The following GON7 variants were observed in gnomAD, a reference collection of about 807,000 sequenced individuals.
GON7 encodes EKC/KEOPS complex subunit GON7.
In GON7, 2 loss-of-function variants were observed where a neutral mutation model predicts 7.6. The ratio of observed to expected loss-of-function variants is 0.26; its 90% CI spans 0.11 to 0.83. The LOEUF is 0.83. GON7 is among the 40% of genes least tolerant of loss of function. The probability of loss-of-function intolerance (pLI) is 0.65; values close to 1 mark genes in which losing one functional copy is unlikely to be tolerated. For synonymous variants in GON7, 54 were observed against 56.6 expected (o/e 0.95, Z 0.20); for missense variants, 121 against 132.2 (o/e 0.92, Z 0.42).
At position 93,203,080 on chromosome 14, in the gene GON7, A is replaced by G. The variant is rs898236505; in HGVS notation, c.*608T>C. The G allele has an allele frequency of 1.1e-4, 16 of 152,310 alleles. No individual in the cohort carries two copies. The highest frequency in any genetic ancestry group is 3.9e-4 in the African/African-American group (16 of 41,456). 9.4% of individuals were successfully genotyped at this position (152,310 alleles called of 1,614,324 possible). A position where few individuals can be genotyped will look rare whatever the true frequency, so the allele number is the denominator to read the frequency against. On this transcript the variant is annotated 3_prime_UTR_variant, in exon 2 of 2. Transcript: ENST00000306954. Reference sequence around the variant, plus strand: ...AAACATACCCCATCTGGCTCTCTTAAGGTACATGATAAATCAGACTAATGC... The same window carrying G: ...AAACATACCCCATCTGGCTCTCTTAGGGTACATGATAAATCAGACTAATGC...
intron 1 of GON7, 37 bp from the exon 2 acceptor site, chr14:93,203,819 C>T (rs1026317895): frequency 3.3e-6 from 5 of 1,528,010 alleles, no homozygotes; most frequent in Non-Finnish European, 4.5e-6. Flanking sequence ...ACAATACGTT[C>T]TATGGCTGAA....
At position 93,203,725 on chromosome 14, in the gene GON7, T is replaced by C. The variant is rs1338674339; in HGVS notation, c.266A>G (p.Asp89Gly). The C allele has an allele frequency of 4.3e-6, 7 of 1,614,016 alleles. No individual in the cohort carries two copies. Among genetic ancestry groups the C allele is most frequent in the East Asian group, 2.2e-5 (1 of 44,866 alleles). Residue 89 changes from aspartate (D) to glycine (G), a missense_variant, in exon 2 of 2, where the codon GAT (aspartate) becomes GGT (glycine). Coordinates refer to ENST00000306954, the MANE Select transcript of GON7 (RefSeq NM_032490.5). ...TTTTGGCCGTTTTGCAGATGGTCCA[T>C]CGAAGTTAGTTCTGTTATCAATGTT... ...ENNIDNRTNF[D>G]GPSAKRPKTP...
rs1358166619 is a variant in GON7 at position 93,206,988 on chromosome 14, A to C, written c.50T>G (p.Leu17Arg). 1 of 1,614,108 alleles carries C rather than the reference A, an allele frequency of 6.2e-7. No homozygotes were observed. Among genetic ancestry groups the C allele is most frequent in the South Asian group, 1.1e-5 (1 of 91,088 alleles). The change falls in exon 1 of 2, where the codon CTG becomes CGG. Residue 17 changes from leucine to arginine, a missense_variant. Leu to Arg is a moderately radical substitution (Grantham distance 102). Transcript: ENST00000306954. ...ACCCGGCGCCTCACAGGACACCCGC[A>C]GCTTCTGCGGCTTCCCTTCCTGCCC... The part of the protein sequence containing the change: ...YVGQEGKPQK[L>R]RVSCEAPGDG...
In GON7 at chr14:93,202,962, A is replaced by C. The variant is rs1238322893; in HGVS notation, c.*726T>G. On this transcript the variant is annotated 3_prime_UTR_variant, in exon 2 of 2. Transcript: ENST00000306954. ...TAAAGCAAAATCAAAGTATGGCTAC[A>C]GGAGGAGAGGAAATATCCAAATTGT... The C allele has an allele frequency of 6.6e-6, 1 of 152,230 alleles. No individual in the cohort carries two copies. The highest frequency in any genetic ancestry group is 2.1e-4 in the South Asian group (1 of 4,836). The allele number at this position is 152,230 out of a possible 1,614,324, so 9.4% of individuals were successfully genotyped here. A position where few individuals can be genotyped will look rare whatever the true frequency, so the allele number is the denominator to read the frequency against.
At chr14:93,206,789 G>C in intron 1 of GON7, 41 bp downstream of exon 1, 1 of 1,568,476 alleles carries the variant, frequency 6.4e-7, no homozygotes, top group Non-Finnish European at 8.7e-7. Context: ...CTGGGCGCCC[G>C]CCCCGTCCTC....
rs1894355778 is a variant in GON7, at chr14:93,206,843, G to C, written c.195C>G (p.Asp65Glu). ...CTCAGAGCTCACCGTCCAAGTCCTC[G>C]TCTGGAGCCGCCGCCACCCGGTGCT... is the stretch of plus-strand genomic sequence containing the variant. ...EVQHRVAAAP[D>E]EDLDGDDEDD... Residue 65 changes from aspartate to glutamate, a missense_variant, in exon 1 of 2, where the codon GAC becomes GAG. Physicochemically the swap from Asp to Glu is conservative, Grantham distance 45. Coordinates refer to ENST00000306954, the MANE Select transcript of GON7 (RefSeq NM_032490.5). 6.2e-7 allele frequency: 1 copy of C among 1,613,860 alleles called. No individual in the cohort carries two copies. The highest frequency in any genetic ancestry group is 8.5e-7 in the Non-Finnish European group (1 of 1,179,958).
At chr14:93,205,671 A>C (rs1335573340) in intron 1 of GON7, among the ~76,000 whole-genome samples, 4 of 152,134 alleles carry the variant, frequency 2.6e-5, no homozygotes, top group African/African-American at 9.7e-5. Context: ...CATCTCAAAA[A>C]AAAAAAAAAG....
In GON7 at chr14:93,203,503, A is replaced by C; in HGVS notation, c.*185T>G. On this transcript the variant is annotated 3_prime_UTR_variant, in exon 2 of 2. Transcript: ENST00000306954. ...TCTGAAATTTATTTCTCAAGAAAAC[A>C]GATTTTATTTCTAAGCCTTTACTAT... The C allele has an allele frequency of 2.0e-6, 1 of 494,896 alleles. No individual in the cohort carries two copies. Among genetic ancestry groups the C allele is most frequent in the Non-Finnish European group, 3.6e-6 (1 of 280,234 alleles). 30.7% of individuals were successfully genotyped at this position (494,896 alleles called of 1,614,324 possible).
chr14:93,207,065 C>T lies in GON7; in HGVS notation c.-28G>A. ...TGACCGCTAAGCTTCCAGAACACGA[C>T]ACCGGGAAGCGCCACCCGGAGGCGG... is the stretch of plus-strand genomic sequence containing the variant. On this transcript the variant is annotated 5_prime_UTR_variant, in exon 1 of 2. Transcript: ENST00000306954. The T allele has an allele frequency of 6.2e-7, 1 of 1,611,530 alleles. No individual in the cohort carries two copies. The highest frequency in any genetic ancestry group is 1.1e-5 in the South Asian group (1 of 90,966).
In GON7 at chr14:93,202,962, A is replaced by G. The variant is rs1238322893; in HGVS notation, c.*726T>C. ...TAAAGCAAAATCAAAGTATGGCTAC[A>G]GGAGGAGAGGAAATATCCAAATTGT... On this transcript the variant is annotated 3_prime_UTR_variant, in exon 2 of 2. Transcript: ENST00000306954. The G allele has an allele frequency of 6.6e-6, 1 of 152,230 alleles. No individual in the cohort carries two copies. Among genetic ancestry groups the G allele is most frequent in the Non-Finnish European group, 1.5e-5 (1 of 68,034 alleles). The allele number at this position is 152,230 out of a possible 1,614,324, so 9.4% of individuals were successfully genotyped here.
intron 1 of GON7, among the ~76,000 whole-genome samples, chr14:93,204,576 CT>C (rs910268710): frequency 4.6e-5 from 7 of 152,178 alleles, no homozygotes; most frequent in Admixed American, 1.3e-4. Flanking sequence ...GTGCCCACCA[CT>C]GCACCTGGCT....
At chr14:93,206,472 G>A (rs1835679068) in intron 1 of GON7, among the ~76,000 whole-genome samples, 1 of 152,132 alleles carries the variant, frequency 6.6e-6, no homozygotes, top group Admixed American at 6.6e-5. Flanking sequence ...ACGAAATAGC[G>A]ATGAGTTGTG....
rs1894291766 is a variant in GON7 at position 93,203,731 on chromosome 14, T to C, written c.260A>G (p.Asn87Ser). The change falls in exon 2 of 2, where the codon AAC becomes AGC. Residue 87 changes from asparagine to serine, a missense_variant. Asn to Ser is a conservative substitution (Grantham distance 46). Transcript: ENST00000306954. ...CCGTTTTGCAGATGGTCCATCGAAG[T>C]TAGTTCTGTTATCAATGTTATTTTC... ...EDENNIDNRT[N>S]FDGPSAKRPK... The C allele has an allele frequency of 6.2e-7, 1 of 1,613,954 alleles. No individual in the cohort carries two copies. The highest frequency in any genetic ancestry group is 1.7e-5 in the Admixed American group (1 of 59,988).
rs1422726574 is a variant in GON7 at position 93,203,308 on chromosome 14, T to C, written c.*380A>G. 5.9e-6 allele frequency: 1 copy of C among 168,398 alleles called. No individual in the cohort carries two copies. The highest frequency in any genetic ancestry group is 1.9e-4 in the South Asian group (1 of 5,240). 10.4% of individuals were successfully genotyped at this position (168,398 alleles called of 1,614,324 possible). Reference sequence around the variant, plus strand: ...TTGTTCATGTCAGTTCTCTGAAATGTTACTGCCTATGAACCGTGACATGTA... The same window carrying C: ...TTGTTCATGTCAGTTCTCTGAAATGCTACTGCCTATGAACCGTGACATGTA... On this transcript the variant is annotated 3_prime_UTR_variant, in exon 2 of 2. Coordinates refer to ENST00000306954, the MANE Select transcript of GON7 (RefSeq NM_032490.5).
rs767454587 is a variant in GON7, at chr14:93,206,815, C to T, written c.208+15G>A. On this transcript the variant is annotated intron_variant, in intron 1 of 1. Coordinates refer to ENST00000306954, the MANE Select transcript of GON7 (RefSeq NM_032490.5). The stretch of plus-strand genomic sequence containing the variant: ...CCCCGTCCTCCGGTCACTGCAGCAC[C>T]GTCTCAGAGCTCACCGTCCAAGTCC... 7 of 1,610,724 alleles carry T rather than the reference C, an allele frequency of 4.3e-6. No individual in the cohort carries two copies. The highest frequency in any genetic ancestry group is 3.4e-5 in the Admixed American group (2 of 59,608).
Position 93,203,542 on chromosome 14 carries a change from A to T in GON7, c.*146T>A. Reference sequence around the variant, plus strand: ...AGCCTTTACTATCTTTGCTAGAAACAGAAAAACCAGTTTTCTCTTTGACAA... The same window carrying T: ...AGCCTTTACTATCTTTGCTAGAAACTGAAAAACCAGTTTTCTCTTTGACAA... On this transcript the variant is annotated 3_prime_UTR_variant, in exon 2 of 2. Coordinates refer to ENST00000306954, the MANE Select transcript of GON7 (RefSeq NM_032490.5). 1 of 595,674 alleles carries T rather than the reference A, an allele frequency of 1.7e-6. No individual in the cohort carries two copies. Among genetic ancestry groups the T allele is most frequent in the Non-Finnish European group, 2.9e-6 (1 of 348,922 alleles). 36.9% of individuals were successfully genotyped at this position (595,674 alleles called of 1,614,324 possible).
chr14:93,204,532 C>T (rs1272109077), intron 1 of GON7, among the ~76,000 whole-genome samples: 1 of 152,136 alleles, frequency 6.6e-6, no homozygotes, highest in African/African-American at 2.4e-5. Context: ...AAGTGATCCT[C>T]CTGTCTCAGC....
intron 1 of GON7, among the ~76,000 whole-genome samples, chr14:93,205,378 G>A (rs934446097): frequency 6.6e-6 from 1 of 152,148 alleles, no homozygotes; most frequent in Non-Finnish European, 1.5e-5. Context: ...CGGTTAAAAT[G>A]TACCTGCCTG....
In GON7 at chr14:93,203,706, C is replaced by T. The variant is rs1894291131; in HGVS notation, c.285G>A (p.Arg95=). 2 of 1,613,866 alleles carry T rather than the reference C, an allele frequency of 1.2e-6. No individual in the cohort carries two copies. Among genetic ancestry groups the T allele is most frequent in the South Asian group, 2.2e-5 (2 of 91,050 alleles). ...RTNFDGPSAK[R]PKTPS is the part of the protein sequence containing the mutation. Reference sequence around the variant, plus strand: ...GCTATTGTTAAGACGGTGTTTTTGGCCGTTTTGCAGATGGTCCATCGAAGT... The same window carrying T: ...GCTATTGTTAAGACGGTGTTTTTGGTCGTTTTGCAGATGGTCCATCGAAGT... The change falls in exon 2 of 2, where the codon CGG becomes CGA. Residue 95 remains arginine (R), a synonymous_variant. Transcript: ENST00000306954.
Sources: gnomAD v4.1 joint callset for allele counts (sites outside exome capture counted in the v4.1 genomes callset) on GRCh38, gnomAD v4.1.1 for gene constraint, MANE v1.5 for transcripts, NCBI Gene and HGNC (gene_info 2026-07-23, HGNC 2026-07-21) for gene names.